The following RGS7 variants were observed in gnomAD, a reference collection of about 807,000 sequenced individuals.
RGS7 encodes regulator of G protein signaling 7.
In RGS7, 27 loss-of-function variants were observed where a neutral mutation model predicts 81.1. That is an observed-to-expected ratio of 0.33 (90% CI 0.25 to 0.46). RGS7 has a LOEUF of 0.46. RGS7 is among the 20% of genes least tolerant of loss of function. The pLI, the probability that RGS7 is intolerant of heterozygous loss-of-function variation, is 1.00. For synonymous variants in RGS7, 208 were observed against 207.7 expected, an observed-to-expected ratio of 1.00 and a Z score of -0.01; for missense variants, 396 against 607.4, an observed-to-expected ratio of 0.65 and a Z score of 3.66.
intron 3 of RGS7, among the ~76,000 whole-genome samples, chr1:241,088,064 A>C (rs2063585675): frequency 6.7e-6 from 1 of 148,730 alleles, no homozygotes. Context: ...ATACACACAC[A>C]CACATATATA....
rs141019066 is a variant in RGS7, at chr1:241,098,696, A to G, written c.145T>C (p.Phe49Leu). 6.2e-7 allele frequency: 1 copy of G among 1,613,722 alleles called. No individual in the cohort carries two copies. The highest frequency in any genetic ancestry group is 1.3e-5 in the African/African-American group (1 of 75,054). The change falls in exon 3 of 19, where the codon TTT becomes CTT. Residue 49 changes from phenylalanine to leucine, a missense_variant. By Grantham distance (22) the Phe-to-Leu change is conservative. Transcript: ENST00000440928. The part of the protein sequence containing the change: ...NGIPIRTVKS[F>L]LSKIPSVFSG... The stretch of plus-strand genomic sequence containing the variant: ...AAGACGCTAGGTATCTTGGAAAGAA[A>G]GCTTTTGACCGTACGAATAGGAATT...
intron 2 of RGS7, among the ~76,000 whole-genome samples, chr1:241,135,939 T>C (rs2067480532): frequency 6.8e-6 from 1 of 146,450 alleles, no homozygotes; most frequent in Admixed American, 6.9e-5. Flanking sequence ...ACGAATCCCT[T>C]GGGTGGTTAC....
chr1:240,984,259 G>A (rs934245876), intron 3 of RGS7, among the ~76,000 whole-genome samples: 13 of 152,182 alleles, frequency 8.5e-5, no homozygotes, highest in African/African-American at 3.1e-4. Flanking sequence ...TAAGTTTGAG[G>A]AGTATGACTG....
At chr1:241,293,025 T>C (rs186583133) in intron 2 of RGS7, among the ~76,000 whole-genome samples, 26 of 152,342 alleles carry the variant, frequency 1.7e-4, no homozygotes, top group Admixed American at 1.6e-3. Context: ...AAAAGCTGTA[T>C]ATATCAACTT....
At chr1:240,971,422 T>C (rs1683191109) in intron 4 of RGS7, among the ~76,000 whole-genome samples, 1 of 152,202 alleles carries the variant, frequency 6.6e-6, no homozygotes, top group African/African-American at 2.4e-5. Context: ...AAGCTCCTAA[T>C]ACGCTGAAAT....
chr1:241,306,492 T>C (rs2080154050), intron 2 of RGS7, among the ~76,000 whole-genome samples: 1 of 141,870 alleles, frequency 7.0e-6, no homozygotes, highest in Non-Finnish European at 1.5e-5. Flanking sequence ...ACGCACACAT[T>C]GTTACACAAA....
intron 2 of RGS7, among the ~76,000 whole-genome samples, chr1:241,234,089 T>G (rs1408350055): frequency 6.6e-6 from 1 of 152,230 alleles, no homozygotes; most frequent in African/African-American, 2.4e-5. Flanking sequence ...TACCTCATCC[T>G]AGAAGCCTTT....
chr1:240,887,967 A>G (rs1481978757), intron 6 of RGS7, among the ~76,000 whole-genome samples: 2 of 152,216 alleles, frequency 1.3e-5, no homozygotes, highest in Non-Finnish European at 2.9e-5. Context: ...GATACAAAAG[A>G]TTGAAAACTA....
intron 2 of RGS7, among the ~76,000 whole-genome samples, chr1:241,222,935 A>G (rs1372025457): frequency 6.6e-6 from 1 of 151,870 alleles, no homozygotes; most frequent in African/African-American, 2.4e-5. Flanking sequence ...TGTTCTTGCA[A>G]TAGTTTGCTG....
chr1:241,091,330 C>T (rs1468981263), intron 3 of RGS7, among the ~76,000 whole-genome samples: 1 of 151,966 alleles, frequency 6.6e-6, no homozygotes. Context: ...AGGTGGATCA[C>T]GAGGTAGGGA....
intron 2 of RGS7, among the ~76,000 whole-genome samples, chr1:241,284,299 G>C (rs2078677983): frequency 6.6e-6 from 1 of 152,066 alleles, no homozygotes; most frequent in South Asian, 2.1e-4. Context: ...TCTTTGGCAG[G>C]GAAGAGAAGA....
intron 3 of RGS7, among the ~76,000 whole-genome samples, chr1:241,019,672 A>C (rs508447): frequency 0.16 from 24,013 of 152,102 alleles, 2,789 homozygotes; most frequent in African/African-American, 0.32. Context: ...CATGTCCCTG[A>C]AAAGGACATG....
chr1:241,135,960 C>T (rs201805666), intron 2 of RGS7, among the ~76,000 whole-genome samples: 2 of 74,328 alleles, frequency 2.7e-5, no homozygotes, highest in African/African-American at 7.3e-5. Flanking sequence ...ATGATAATGA[C>T]AAAAAAAAAA....
At chr1:241,292,997 G>A (rs2079173863) in intron 2 of RGS7, among the ~76,000 whole-genome samples, 1 of 152,176 alleles carries the variant, frequency 6.6e-6, no homozygotes, top group African/African-American at 2.4e-5. Context: ...GTAATATGAA[G>A]TGAAAAGAGC....
intron 6 of RGS7, among the ~76,000 whole-genome samples, chr1:240,910,166 T>C (rs1671514487): frequency 6.6e-6 from 1 of 152,218 alleles, no homozygotes; most frequent in Admixed American, 6.5e-5. Flanking sequence ...TATAGATACT[T>C]GCATGATATA....
intron 18 of RGS7, among the ~76,000 whole-genome samples, chr1:240,796,451 T>C (rs1036029336): frequency 2.6e-5 from 4 of 152,146 alleles, no homozygotes; most frequent in African/African-American, 7.2e-5. Flanking sequence ...TTTGGGAAGC[T>C]GAGGTGGGCA....
intron 2 of RGS7, among the ~76,000 whole-genome samples, chr1:241,129,858 G>A (rs2066950769): frequency 6.6e-6 from 1 of 152,132 alleles, no homozygotes; most frequent in African/African-American, 2.4e-5. Context: ...TTAGCAAAGG[G>A]GTGGGGGAGG....
At chr1:240,900,962 G>A (rs941970829) in intron 6 of RGS7, among the ~76,000 whole-genome samples, 5 of 149,188 alleles carry the variant, frequency 3.4e-5, no homozygotes, top group South Asian at 4.2e-4. Context: ...CTTCCTGGCC[G>A]ATTTGTTTAC....
At chr1:241,199,994 A>G (rs1915878) in intron 2 of RGS7, among the ~76,000 whole-genome samples, 35,282 of 152,134 alleles carry the variant, frequency 0.23, 6,203 homozygotes, top group African/African-American at 0.49. Flanking sequence ...GCCTGTATGA[A>G]GATTAAATAA....
Sources: allele counts gnomAD v4.1 joint callset (sites outside exome capture counted in the v4.1 genomes callset), GRCh38; gene constraint gnomAD v4.1.1; transcripts MANE v1.5; gene names NCBI Gene and HGNC (gene_info 2026-07-23, HGNC 2026-07-21).